The following SLC24A3 variants were observed in gnomAD, a reference collection of about 807,000 sequenced individuals.
The protein encoded by SLC24A3 is solute carrier family 24 member 3.
Under a neutral mutation model 75.8 loss-of-function variants are expected in SLC24A3, and 28 were observed. The observed-to-expected ratio is 0.37, with a 90% confidence interval of 0.27 to 0.51. The LOEUF is 0.51. Ranked by LOEUF, SLC24A3 falls within the 20% of genes least tolerant of loss-of-function variation. The probability of loss-of-function intolerance (pLI) is 0.94; values close to 1 mark genes in which losing one functional copy is unlikely to be tolerated. For synonymous variants in SLC24A3, 372 were observed against 334.1 expected (o/e 1.11, Z -1.24); for missense variants, 663 against 847.8 (o/e 0.78, Z 2.71).
intron 12 of SLC24A3, among the ~76,000 whole-genome samples, chr20:19,691,537 C>T (rs868032351): frequency 7.2e-5 from 11 of 152,144 alleles, no homozygotes; most frequent in African/African-American, 2.4e-4. Context: ...AGACTCTTTC[C>T]TCTGGCTACT....
intron 6 of SLC24A3, among the ~76,000 whole-genome samples, chr20:19,605,510 G>C (rs1305890986): frequency 6.6e-6 from 1 of 152,142 alleles, no homozygotes; most frequent in Non-Finnish European, 1.5e-5. Context: ...AAGATTCTTA[G>C]AATATATATT....
At chr20:19,702,818 C>T (rs2032889845) in intron 15 of SLC24A3, among the ~76,000 whole-genome samples, 1 of 152,142 alleles carries the variant, frequency 6.6e-6, no homozygotes, top group Non-Finnish European at 1.5e-5. Context: ...GTTGTTTCAG[C>T]ACCGTCTGTT....
intron 2 of SLC24A3, among the ~76,000 whole-genome samples, chr20:19,500,525 T>C (rs934767989): frequency 1.4e-4 from 21 of 152,234 alleles, no homozygotes; most frequent in African/African-American, 4.8e-4. Flanking sequence ...CAATATTATT[T>C]GGATAAAAAA....
chr20:19,630,626 A>G, intron 6 of SLC24A3, among the ~76,000 whole-genome samples: 1 of 152,248 alleles, frequency 6.6e-6, no homozygotes, highest in East Asian at 1.9e-4. Flanking sequence ...ATCCTTTTCT[A>G]CAACAGGATT....
chr20:19,396,510 C>T (rs1455381715), intron 2 of SLC24A3, among the ~76,000 whole-genome samples: 1 of 152,222 alleles, frequency 6.6e-6, no homozygotes, highest in Non-Finnish European at 1.5e-5. Context: ...TCAATTCAGA[C>T]TGTTCACATT....
chr20:19,451,492 C>A (rs536668722), intron 2 of SLC24A3, among the ~76,000 whole-genome samples: 11 of 152,298 alleles, frequency 7.2e-5, no homozygotes, highest in African/African-American at 2.4e-4. Flanking sequence ...TCATTGCTGA[C>A]GATAAGTCTG....
At chr20:19,322,004 A>T (rs773500887) in intron 2 of SLC24A3, among the ~76,000 whole-genome samples, 6 of 152,124 alleles carry the variant, frequency 3.9e-5, no homozygotes, top group Admixed American at 2.6e-4. Flanking sequence ...CTCTGATTAG[A>T]TGCAGGATGA....
chr20:19,563,155 C>T (rs1313042304), intron 3 of SLC24A3, among the ~76,000 whole-genome samples: 6 of 152,130 alleles, frequency 3.9e-5, no homozygotes. Flanking sequence ...AAAGCCATCC[C>T]CTCTACCTGA....
At chr20:19,395,187 G>A (rs548549631) in intron 2 of SLC24A3, among the ~76,000 whole-genome samples, 2 of 152,258 alleles carry the variant, frequency 1.3e-5, no homozygotes, top group South Asian at 4.2e-4. Flanking sequence ...GTACTGGGGG[G>A]AGAAATAAGG....
intron 3 of SLC24A3, among the ~76,000 whole-genome samples, chr20:19,571,004 C>G (rs1435679378): frequency 6.6e-6 from 1 of 152,048 alleles, no homozygotes; most frequent in Non-Finnish European, 1.5e-5. Context: ...TGTAGACGTT[C>G]CTCAAGTAGA....
chr20:19,501,451 C>T (rs1400758612), intron 2 of SLC24A3, among the ~76,000 whole-genome samples: 1 of 152,180 alleles, frequency 6.6e-6, no homozygotes, highest in Non-Finnish European at 1.5e-5. Flanking sequence ...TATTAAACAC[C>T]TACCTTGCTG....
chr20:19,546,707 A>G (rs2030602176), intron 3 of SLC24A3, among the ~76,000 whole-genome samples: 1 of 152,138 alleles, frequency 6.6e-6, no homozygotes, highest in Non-Finnish European at 1.5e-5. Flanking sequence ...GTCACATAAT[A>G]CCCTCAAGCC....
chr20:19,214,460 C>T (rs1198923998), intron 1 of SLC24A3, among the ~76,000 whole-genome samples: 1 of 152,070 alleles, frequency 6.6e-6, no homozygotes, highest in Non-Finnish European at 1.5e-5. Context: ...AGTGAAAAAC[C>T]AGTTTATAGT....
At chr20:19,477,327 A>T (rs1987978090) in intron 2 of SLC24A3, among the ~76,000 whole-genome samples, 1 of 152,138 alleles carries the variant, frequency 6.6e-6, no homozygotes. Context: ...CTCTGTTCTG[A>T]GCTTGTGTGG....
intron 2 of SLC24A3, among the ~76,000 whole-genome samples, chr20:19,480,621 T>C (rs1457891456): frequency 6.6e-6 from 1 of 152,220 alleles, no homozygotes; most frequent in Non-Finnish European, 1.5e-5. Context: ...ATTCAGCTCC[T>C]GGAACCCTGC....
chr20:19,464,504 A>G (rs1987732341), intron 2 of SLC24A3, among the ~76,000 whole-genome samples: 1 of 152,266 alleles, frequency 6.6e-6, no homozygotes, highest in South Asian at 2.1e-4. Flanking sequence ...TCAATTGGGT[A>G]AGGAATGATC....
intron 2 of SLC24A3, among the ~76,000 whole-genome samples, chr20:19,464,003 G>A (rs1208869123): frequency 6.6e-6 from 1 of 152,210 alleles, no homozygotes; most frequent in Non-Finnish European, 1.5e-5. Flanking sequence ...CTGAACACTT[G>A]TGAAATACCA....
chr20:19,417,315 T>C (rs1986844020), intron 2 of SLC24A3, among the ~76,000 whole-genome samples: 3 of 152,216 alleles, frequency 2.0e-5, no homozygotes, highest in Admixed American at 2.0e-4. Context: ...ATTATATATG[T>C]GTTTATCTTT....
chr20:19,497,322 G>A (rs1988305842), intron 2 of SLC24A3, among the ~76,000 whole-genome samples: 2 of 152,180 alleles, frequency 1.3e-5, no homozygotes, highest in African/African-American at 4.8e-5. Context: ...CATCTGAATA[G>A]GAAGCTCTAG....
Sources: gnomAD v4.1 joint callset for allele counts (sites outside exome capture counted in the v4.1 genomes callset) on GRCh38, gnomAD v4.1.1 for gene constraint, MANE v1.5 for transcripts, NCBI Gene and HGNC (gene_info 2026-07-23, HGNC 2026-07-21) for gene names.